AP3D1: variants seen among roughly 807,000 people sequenced by gnomAD.
AP3D1 encodes adaptor related protein complex 3 subunit delta 1.
In AP3D1, 51 loss-of-function variants were observed where a neutral mutation model predicts 147.6. That is an observed-to-expected ratio of 0.35 (90% CI 0.28 to 0.44). The LOEUF (loss-of-function observed/expected upper bound fraction) is 0.44, where lower values mean the gene tolerates loss of function less well. AP3D1 is among the 20% of genes least tolerant of loss of function. AP3D1 has a pLI of 1.00. For missense variants in AP3D1, 1,421 were observed against 1,624.2 expected, an observed-to-expected ratio of 0.87 and a Z score of 2.15; for synonymous variants, 760 against 663.0, an observed-to-expected ratio of 1.15 and a Z score of -2.25.
In AP3D1 at chr19:2,118,616, C is replaced by T. The variant is rs768649058; in HGVS notation, c.1698G>A (p.Leu566=). 5 of 1,609,988 alleles carry T rather than the reference C, an allele frequency of 3.1e-6. No homozygotes were observed. The South Asian group carries it at 3.3e-5, about 11-fold the overall frequency. Residue 566 remains leucine (L), a synonymous_variant, in exon 15 of 32, where the codon CTG becomes CTA. Coordinates refer to ENST00000643116, the MANE Select transcript of AP3D1 (RefSeq NM_001261826.3). ...RLPQFVQSAD[L]EVQERASCIL... is the part of the protein sequence containing the mutation. ...TGGATCTTACCCGCTCCTGCACCTC[C>T]AGGTCTGCGCTCTGCACAAACTGGG... is the stretch of plus-strand genomic sequence containing the variant.
chr19:2,147,692 G>A (rs1392948419), intron 1 of AP3D1, among the ~76,000 whole-genome samples: 1 of 151,740 alleles, frequency 6.6e-6, no homozygotes, highest in Non-Finnish European at 1.5e-5. Context: ...TCAAGAGATT[G>A]AGACCATACT....
rs182385380 is a variant in AP3D1, at chr19:2,121,722, G to A, written c.1101+12C>T. 74 of 1,566,110 alleles carry A rather than the reference G, an allele frequency of 4.7e-5. No homozygotes were observed. The African/African-American group carries it at 8.8e-4, about 19-fold the overall frequency. Reference sequence around the variant, plus strand: ...AGGCCAGGCGGGCGGGCGGCGGACAGAGGGCACGCACCATCCCATAGAGCA... The same window carrying A: ...AGGCCAGGCGGGCGGGCGGCGGACAAAGGGCACGCACCATCCCATAGAGCA... On this transcript the variant is annotated intron_variant, in intron 12 of 31. Coordinates refer to ENST00000643116, the MANE Select transcript of AP3D1 (RefSeq NM_001261826.3).
intron 31 of AP3D1, among the ~76,000 whole-genome samples, chr19:2,107,883 C>T (rs142753656): frequency 2.8e-4 from 42 of 152,294 alleles, no homozygotes; most frequent in Admixed American, 2.6e-3. Flanking sequence ...CACCGCCACG[C>T]GTCAACTCAG....
intron 1 of AP3D1, 24 bp from the exon 2 acceptor site, chr19:2,138,738 G>A: frequency 6.6e-7 from 1 of 1,524,094 alleles, no homozygotes; most frequent in South Asian, 1.1e-5. Context: ...TAAACACAGA[G>A]ATTACAAACA....
chr19:2,113,910 G>C (rs78080533), intron 22 of AP3D1, among the ~76,000 whole-genome samples: 2 of 152,112 alleles, frequency 1.3e-5, no homozygotes, highest in Non-Finnish European at 2.9e-5. Context: ...CCATGGGATC[G>C]TTGGGTCCTC....
intron 16 of AP3D1, 38 bp downstream of exon 16, chr19:2,117,184 G>A: frequency 6.4e-7 from 1 of 1,552,332 alleles, no homozygotes; most frequent in South Asian, 1.2e-5. Context: ...GACCATGTCA[G>A]GGCCATGGTT....
At chr19:2,136,869 G>A (rs2019090052) in intron 4 of AP3D1, 142 bp downstream of exon 4, 7 of 744,926 alleles carry the variant, frequency 9.4e-6, no homozygotes, top group South Asian at 8.2e-5. Flanking sequence ...CTGCTGGGAG[G>A]ACTGTGGCTC....
At chr19:2,137,920 A>G (rs2019120150) in intron 2 of AP3D1, 113 bp from the exon 3 acceptor site, 2 of 893,584 alleles carry the variant, frequency 2.2e-6, no homozygotes, top group African/African-American at 1.7e-5. Flanking sequence ...AGACTCATTC[A>G]CTGTCAGCAA....
At chr19:2,144,491 A>G (rs1021180903) in intron 1 of AP3D1, among the ~76,000 whole-genome samples, 9 of 152,182 alleles carry the variant, frequency 5.9e-5, no homozygotes, top group African/African-American at 2.2e-4. Flanking sequence ...AGCCCCATCC[A>G]GGACCAGACC....
intron 1 of AP3D1, among the ~76,000 whole-genome samples, chr19:2,142,654 C>T (rs756007218): frequency 6.6e-6 from 1 of 152,212 alleles, no homozygotes; most frequent in Non-Finnish European, 1.5e-5. Flanking sequence ...GGAGCCGGGC[C>T]GCTGAGCCGC....
intron 5 of AP3D1, among the ~76,000 whole-genome samples, 191 bp from the exon 6 acceptor site, chr19:2,130,728 G>C (rs1043291815): frequency 1.3e-5 from 2 of 152,208 alleles, no homozygotes; most frequent in African/African-American, 4.8e-5. Flanking sequence ...CCTGACTCAG[G>C]CCTGCCCTCC....
At chr19:2,133,973 T>C (rs9749393) in intron 4 of AP3D1, among the ~76,000 whole-genome samples, 3 of 151,794 alleles carry the variant, frequency 2.0e-5, no homozygotes, top group African/African-American at 4.8e-5. Context: ...TCGGACACGG[T>C]GGTGCACACT....
intron 1 of AP3D1, among the ~76,000 whole-genome samples, chr19:2,142,859 C>A (rs1763879731): frequency 1.3e-5 from 2 of 152,012 alleles, no homozygotes; most frequent in Admixed American, 1.3e-4. Flanking sequence ...GCCTCCCAAG[C>A]TCAAGTGTGA....
chr19:2,109,224 G>A lies in AP3D1; in HGVS notation c.3351-17C>T. On this transcript the variant is annotated splice_polypyrimidine_tract_variant and intron_variant, in intron 29 of 31. Transcript: ENST00000643116. ...AAGGCGTCACTGTGGGAGGGACAGG[G>A]AGGCTGACTGCGGTGGGGCCGGGCT... is the stretch of plus-strand genomic sequence containing the variant. 1 of 1,566,460 alleles carries A rather than the reference G, an allele frequency of 6.4e-7. No homozygotes were observed. The highest frequency in any genetic ancestry group is 2.3e-5 in the East Asian group (1 of 43,398).
At chr19:2,114,093 G>C in intron 22 of AP3D1, 32 bp downstream of exon 22, 3 of 1,541,894 alleles carry the variant, frequency 1.9e-6, no homozygotes, top group Non-Finnish European at 2.6e-6. Context: ...GAGGGGAATG[G>C]AGAAGGCCGC....
At chr19:2,147,838 T>C (rs1201377695) in intron 1 of AP3D1, among the ~76,000 whole-genome samples, 2 of 148,480 alleles carry the variant, frequency 1.3e-5, no homozygotes, top group Admixed American at 1.4e-4. Flanking sequence ...TGAGCCGAGA[T>C]CGTGCCACTG....
At position 2,130,488 on chromosome 19, in the gene AP3D1, T is replaced by A. The variant is rs772450587; in HGVS notation, c.512A>T (p.Tyr171Phe). The A allele has an allele frequency of 3.1e-6, 5 of 1,614,088 alleles. No individual in the cohort carries two copies. The South Asian group carries it at 5.5e-5, about 18-fold the overall frequency. ...CTCGGGGTACTTCAGGAACACCTTG[T>A]ACATGATCAGCACAGCCTTCTTCCT... ...YIRKKAVLIM[Y>F]KVFLKYPESL... Residue 171 changes from tyrosine (Y) to phenylalanine (F), a missense_variant, in exon 6 of 32, where the codon TAC (tyrosine) becomes TTC (phenylalanine). Tyr to Phe is a conservative substitution (Grantham distance 22). Coordinates refer to ENST00000643116, the MANE Select transcript of AP3D1 (RefSeq NM_001261826.3).
At chr19:2,129,227 G>A (rs989843213) in intron 7 of AP3D1, 64 bp from the exon 8 acceptor site, 3 of 1,608,776 alleles carry the variant, frequency 1.9e-6, no homozygotes, top group Admixed American at 1.7e-5. Context: ...AGGGACAGGG[G>A]GGGCCTCGGT....
At chr19:2,154,883 T>A (rs2019632443), upstream of AP3D1, among the ~76,000 whole-genome samples, 1 of 152,176 alleles carries the variant, frequency 6.6e-6, no homozygotes, top group Admixed American at 6.6e-5. Context: ...AAGCTGCCAT[T>A]AAAACCCAAA....
Sources: gnomAD v4.1 joint callset for allele counts (sites outside exome capture counted in the v4.1 genomes callset) on GRCh38, gnomAD v4.1.1 for gene constraint, MANE v1.5 for transcripts, NCBI Gene and HGNC (gene_info 2026-07-23, HGNC 2026-07-21) for gene names.